The following FNDC3B variants were observed in gnomAD, a reference collection of about 807,000 sequenced individuals.
The protein encoded by FNDC3B is fibronectin type III domain containing 3B.
FNDC3B carries 12 observed loss-of-function variants against 151.5 expected under a neutral mutation model. The ratio of observed to expected loss-of-function variants is 0.08; its 90% CI spans 0.05 to 0.13. The LOEUF (loss-of-function observed/expected upper bound fraction) is 0.13, where lower values mean the gene tolerates loss of function less well. Ranked by LOEUF, FNDC3B falls within the 10% of genes least tolerant of loss-of-function variation. The pLI is 1.00. For missense variants in FNDC3B, 1,214 were observed against 1,505.3 expected (o/e 0.81, Z 3.20); for synonymous variants, 528 against 549.0 (o/e 0.96, Z 0.54).
chr3:172,067,714 C>T (rs1717568416), intron 1 of FNDC3B, among the ~76,000 whole-genome samples: 3 of 152,116 alleles, frequency 2.0e-5, no homozygotes, highest in African/African-American at 7.2e-5. Flanking sequence ...TTAACAGGCC[C>T]ATTAAGAATC....
intron 13 of FNDC3B, 73 bp downstream of exon 13, chr3:172,330,788 A>G (rs1732611784): frequency 1.7e-6 from 2 of 1,197,690 alleles, no homozygotes; most frequent in South Asian, 1.5e-5. Flanking sequence ...GGGCACCATG[A>G]AATTAGATTA....
chr3:172,174,936 C>A lies in FNDC3B; in HGVS notation c.187+41390C>A, dbSNP rs978290276. Among the ~76,000 whole-genome samples the A allele has an allele frequency of 7.9e-5, 4 of 50,438 alleles. 1 individual carries two copies. Among genetic ancestry groups the A allele is most frequent in the East Asian group, 6.7e-4 (1 of 1,494 alleles). The allele number at this position is 50,438 out of a possible 152,430, so 33.1% of individuals were successfully genotyped here. On this transcript the variant is annotated intron_variant, in intron 3 of 25. Coordinates refer to ENST00000415807, the MANE Select transcript of FNDC3B (RefSeq NM_022763.4). ...CTTTGGAGACCTTCCCCCCGCCACCCCCCCCCCCCCAATACAATTTGCTGT... is the reference window on the plus strand; with the variant it reads ...CTTTGGAGACCTTCCCCCCGCCACCACCCCCCCCCCAATACAATTTGCTGT...
At chr3:172,192,866 T>C (rs1724604418) in intron 3 of FNDC3B, among the ~76,000 whole-genome samples, 1 of 152,074 alleles carries the variant, frequency 6.6e-6, no homozygotes, top group African/African-American at 2.4e-5. Flanking sequence ...ATGCAGTTTA[T>C]TCCCCTAGAC....
chr3:172,367,020 C>G (rs551944319), intron 23 of FNDC3B, among the ~76,000 whole-genome samples: 105 of 152,286 alleles, frequency 6.9e-4, no homozygotes, highest in Non-Finnish European at 1.2e-3. Context: ...AGCATCTTGC[C>G]CAAACCCTTG....
intron 9 of FNDC3B, among the ~76,000 whole-genome samples, chr3:172,300,965 A>G (rs1204482164): frequency 6.6e-6 from 1 of 152,130 alleles, no homozygotes; most frequent in Non-Finnish European, 1.5e-5. Flanking sequence ...TGCAACTCTT[A>G]TTTAGATGTA....
chr3:172,050,501 A>G (rs569897988), intron 1 of FNDC3B, among the ~76,000 whole-genome samples: 1 of 151,918 alleles, frequency 6.6e-6, no homozygotes, highest in Admixed American at 6.6e-5. Context: ...CTCCTGCCTC[A>G]GCCTCCGGAG....
intron 25 of FNDC3B, among the ~76,000 whole-genome samples, chr3:172,381,932 C>T (rs1332933746): frequency 1.3e-5 from 2 of 152,174 alleles, no homozygotes; most frequent in African/African-American, 4.8e-5. Context: ...AATAAACATA[C>T]ATGTGCATGT....
Position 172,399,720 on chromosome 3 carries a change from T to G in FNDC3B, c.*2245T>G, listed in dbSNP as rs1380403009. The G allele has an allele frequency of 6.6e-6, 1 of 152,638 alleles. No homozygotes were observed. The highest frequency in any genetic ancestry group is 2.4e-5 in the African/African-American group (1 of 41,452). 9.5% of individuals were successfully genotyped at this position (152,638 alleles called of 1,614,324 possible). On this transcript the variant is annotated 3_prime_UTR_variant, in exon 26 of 26. Transcript: ENST00000415807. Reference sequence around the variant, plus strand: ...CATGCAGGTGTTTTGGGGAGAGGTATTTTTTAAGCAATGAAAATTCAACTG... The same window carrying G: ...CATGCAGGTGTTTTGGGGAGAGGTAGTTTTTAAGCAATGAAAATTCAACTG...
At chr3:172,299,581 T>C (rs1303273235) in intron 9 of FNDC3B, among the ~76,000 whole-genome samples, 2 of 152,070 alleles carry the variant, frequency 1.3e-5, no homozygotes, top group Non-Finnish European at 2.9e-5. Context: ...CCAGAAAATA[T>C]AGTTTTATTT....
chr3:172,138,121 TA>T (rs1315150479), intron 3 of FNDC3B, among the ~76,000 whole-genome samples: 1 of 152,230 alleles, frequency 6.6e-6, no homozygotes, highest in Non-Finnish European at 1.5e-5. Flanking sequence ...ATGCTTCCTT[TA>T]AGACTTTAGG....
chr3:172,394,038 G>T (rs1021968739), intron 25 of FNDC3B, among the ~76,000 whole-genome samples: 15 of 144,096 alleles, frequency 1.0e-4, no homozygotes, highest in Non-Finnish European at 1.1e-4. Flanking sequence ...AACCCAGGAG[G>T]CGGAGCTTGC....
intron 2 of FNDC3B, among the ~76,000 whole-genome samples, chr3:172,116,411 C>T (rs1364216020): frequency 6.6e-6 from 1 of 152,148 alleles, no homozygotes; most frequent in Non-Finnish European, 1.5e-5. Context: ...AGGGATCACT[C>T]CCTATTTCCT....
intron 4 of FNDC3B, 127 bp downstream of exon 4, chr3:172,227,074 A>AT: frequency 1.5e-6 from 1 of 649,354 alleles, no homozygotes; most frequent in Non-Finnish European, 2.8e-6. Context: ...GTTTGCCATC[A>AT]TTTTGTGGCA....
At chr3:172,162,099 T>G (rs1722808986) in intron 3 of FNDC3B, among the ~76,000 whole-genome samples, 1 of 151,894 alleles carries the variant, frequency 6.6e-6, no homozygotes, top group South Asian at 2.1e-4. Context: ...TTTCTCAGCC[T>G]CCTGAGTAGC....
At chr3:172,142,999 A>G (rs962367080) in intron 3 of FNDC3B, among the ~76,000 whole-genome samples, 5 of 152,160 alleles carry the variant, frequency 3.3e-5, no homozygotes, top group Non-Finnish European at 5.9e-5. Flanking sequence ...TCCCTCATGA[A>G]TGGGGATTAG....
chr3:172,111,781 A>G (rs1250276806), intron 1 of FNDC3B, among the ~76,000 whole-genome samples: 2 of 152,346 alleles, frequency 1.3e-5, no homozygotes, highest in East Asian at 3.9e-4. Context: ...ATTAAGTATT[A>G]AAGGGTTCAT....
At chr3:172,197,144 G>GGATT (rs1193144017) in intron 3 of FNDC3B, among the ~76,000 whole-genome samples, 1 of 151,812 alleles carries the variant, frequency 6.6e-6, no homozygotes, top group Non-Finnish European at 1.5e-5. Flanking sequence ...TGGCACCACT[G>GGATT]GATTCTAGCC....
intron 21 of FNDC3B, among the ~76,000 whole-genome samples, chr3:172,350,717 G>A (rs914373449): frequency 6.6e-6 from 1 of 152,130 alleles, no homozygotes; most frequent in Non-Finnish European, 1.5e-5. Context: ...GCTGGGTGTG[G>A]TGGTATGTGC....
intron 5 of FNDC3B, among the ~76,000 whole-genome samples, chr3:172,248,067 T>A (rs1464062231): frequency 6.6e-6 from 1 of 152,228 alleles, no homozygotes; most frequent in Non-Finnish European, 1.5e-5. Context: ...AAAGTGGCAG[T>A]GTGACATCGT....
Sources: gnomAD v4.1 joint callset for allele counts (sites outside exome capture counted in the v4.1 genomes callset) on GRCh38, gnomAD v4.1.1 for gene constraint, MANE v1.5 for transcripts, NCBI Gene and HGNC (gene_info 2026-07-23, HGNC 2026-07-21) for gene names.